LRRC28: variants seen among roughly 807,000 people sequenced by gnomAD.
LRRC28 encodes the protein leucine-rich repeat-containing protein 28.
LRRC28 carries 39 observed loss-of-function variants against 45.7 expected under a neutral mutation model. The ratio of observed to expected loss-of-function variants is 0.85; its 90% confidence interval spans 0.66 to 1.12. The LOEUF is 1.12. Among genes scored for constraint, LRRC28 ranks in the 50% most tolerant of loss-of-function variants. The pLI is 0.00. For missense variants in LRRC28, 435 were observed against 438.5 expected (o/e 0.99, Z 0.07); for synonymous variants, 206 against 178.8 (o/e 1.15, Z -1.22).
At chr15:99,303,561 C>G (rs187116751) in intron 5 of LRRC28, among the ~76,000 whole-genome samples, 1 of 152,240 alleles carries the variant, frequency 6.6e-6, no homozygotes, top group Non-Finnish European at 1.5e-5. Flanking sequence ...GGCCTGGGCA[C>G]GGTGGCTCAT....
At chr15:99,363,578 A>G (rs1033398996) in intron 9 of LRRC28, among the ~76,000 whole-genome samples, 2 of 152,242 alleles carry the variant, frequency 1.3e-5, no homozygotes, top group African/African-American at 4.8e-5. Context: ...GATGCAAGAA[A>G]AAAAAATGTG....
intron 5 of LRRC28, among the ~76,000 whole-genome samples, chr15:99,308,402 C>T (rs1955268223): frequency 6.6e-6 from 1 of 152,096 alleles, no homozygotes; most frequent in Non-Finnish European, 1.5e-5. Flanking sequence ...CATGGTGGCT[C>T]ACACCTATAA....
intron 5 of LRRC28, among the ~76,000 whole-genome samples, chr15:99,327,553 A>G (rs11853547): frequency 0.013 from 2,007 of 152,156 alleles, 40 homozygotes; most frequent in African/African-American, 0.046. Flanking sequence ...GTGATATTTC[A>G]TCTTTTGTTC....
At chr15:99,333,824 C>A in intron 5 of LRRC28, 99 bp from the exon 6 acceptor site, 1 of 1,216,688 alleles carries the variant, frequency 8.2e-7, no homozygotes, top group Non-Finnish European at 1.2e-6. Flanking sequence ...ATAGTCGCAG[C>A]TACTGATTTC....
Position 99,386,935 on chromosome 15 carries a change from A to AG in LRRC28, c.*838dup, listed in dbSNP as rs566508759. 1 of 151,444 alleles carries AG rather than the reference A, an allele frequency of 6.6e-6. No homozygotes were observed. The highest frequency in any genetic ancestry group is 2.1e-4 in the South Asian group (1 of 4,822). The allele number at this position is 151,444 out of a possible 1,614,324, so 9.4% of individuals were successfully genotyped here. On this transcript the variant is annotated 3_prime_UTR_variant, in exon 10 of 10. Transcript: ENST00000301981. Reference sequence around the variant, plus strand: ...ATATAAAGTTTCCATACAATGAGAAAGGGGGAGAAAACACACATTGAAATA... The same window carrying AG: ...ATATAAAGTTTCCATACAATGAGAAAGGGGGGAGAAAACACACATTGAAATA...
At chr15:99,357,836 T>C (rs1957089199) in intron 7 of LRRC28, among the ~76,000 whole-genome samples, 1 of 152,142 alleles carries the variant, frequency 6.6e-6, no homozygotes, top group African/African-American at 2.4e-5. Flanking sequence ...TTTTGATGAA[T>C]TCTGTAGCCA....
chr15:99,276,625 G>T lies in LRRC28; in HGVS notation c.209+9G>T, dbSNP rs758021113. 1.3e-5 allele frequency: 19 copies of T among 1,506,354 alleles called. No homozygotes were observed. The highest frequency in any genetic ancestry group is 1.6e-5 in the Non-Finnish European group (18 of 1,129,736). 93.3% of individuals were successfully genotyped at this position (1,506,354 alleles called of 1,614,324 possible). ...CCAAACCTTGTGGAACTGTGAGTCT[G>T]TTTATTCAAATTTTTTAAAGACAAG... On this transcript the variant is annotated intron_variant, in intron 3 of 9. Transcript: ENST00000301981.
intron 9 of LRRC28, among the ~76,000 whole-genome samples, chr15:99,365,733 C>T (rs1348034958): frequency 6.6e-6 from 1 of 152,158 alleles, no homozygotes; most frequent in East Asian, 1.9e-4. Context: ...CAAAAAGGAA[C>T]ATATTGAATA....
Position 99,370,389 on chromosome 15 carries a change from C to T in LRRC28, c.1031+7124C>T, listed in dbSNP as rs1597450703. The stretch of plus-strand genomic sequence containing the variant: ...GTGTATGTGTACGTATGTACATATA[C>T]ACACATGCACACGTGTGTGTGTGTA... On this transcript the variant is annotated intron_variant, in intron 9 of 9. Coordinates refer to ENST00000301981, the MANE Select transcript of LRRC28 (RefSeq NM_144598.5). Among the ~76,000 whole-genome samples the T allele has an allele frequency of 3.3e-5, 5 of 152,072 alleles. No individual in the cohort carries two copies. The South Asian group carries it at 8.3e-4, about 25-fold the overall frequency.
rs371775704 is a variant in LRRC28 at position 99,261,488 on chromosome 15, G to A, written c.168+5363G>A. Among the ~76,000 whole-genome samples, 6 of 152,158 alleles carry A rather than the reference G, an allele frequency of 3.9e-5. No homozygotes were observed. The South Asian group carries it at 6.2e-4, about 16-fold the overall frequency. ...TGGTGAGGTCTCTCTTCCTGGGTTC[G>A]CAGATGGTGCCTTTTTGCTGTATTC... On this transcript the variant is annotated intron_variant, in intron 2 of 9. Coordinates refer to ENST00000301981, the MANE Select transcript of LRRC28 (RefSeq NM_144598.5).
chr15:99,387,220 C>G lies in LRRC28; in HGVS notation c.*1118C>G, dbSNP rs1439578393. 1 of 147,274 alleles carries G rather than the reference C, an allele frequency of 6.8e-6. No individual in the cohort carries two copies. Among genetic ancestry groups the G allele is most frequent in the Non-Finnish European group, 1.5e-5 (1 of 66,870 alleles). 9.1% of individuals were successfully genotyped at this position (147,274 alleles called of 1,614,324 possible). A position where few individuals can be genotyped will look rare whatever the true frequency, so the allele number is the denominator to read the frequency against. Reference sequence around the variant, plus strand: ...GGACCACAGGCGCCCGCCACCACGCCCGGCTAATTTTTTGTATTTTTAGTA... The same window carrying G: ...GGACCACAGGCGCCCGCCACCACGCGCGGCTAATTTTTTGTATTTTTAGTA... On this transcript the variant is annotated 3_prime_UTR_variant, in exon 10 of 10. Coordinates refer to ENST00000301981, the MANE Select transcript of LRRC28 (RefSeq NM_144598.5).
intron 2 of LRRC28, among the ~76,000 whole-genome samples, chr15:99,273,643 T>C (rs1330014743): frequency 6.6e-6 from 1 of 152,224 alleles, no homozygotes; most frequent in Non-Finnish European, 1.5e-5. Context: ...AATAAAGACA[T>C]AGAGATGCTC....
intron 5 of LRRC28, among the ~76,000 whole-genome samples, chr15:99,312,881 A>C (rs1188956226): frequency 2.0e-5 from 3 of 152,214 alleles, no homozygotes; most frequent in Non-Finnish European, 2.9e-5. Context: ...AGAGACACAA[A>C]AAGACATGAG....
intron 5 of LRRC28, among the ~76,000 whole-genome samples, chr15:99,302,316 C>T (rs778788073): frequency 6.6e-5 from 10 of 152,032 alleles, no homozygotes; most frequent in East Asian, 3.9e-4. Flanking sequence ...CTTGAGCCAC[C>T]GCACCTGGCC....
intron 2 of LRRC28, chr15:99,259,147 G>T (rs1001095169): frequency 2.4e-5 from 31 of 1,318,198 alleles, no homozygotes; most frequent in Non-Finnish European, 3.4e-5. Context: ...AACTTCTTAG[G>T]TTCCAGTCTT....
chr15:99,338,524 G>A (rs1293114521), intron 6 of LRRC28: 1 of 152,178 alleles, frequency 6.6e-6, no homozygotes, highest in Non-Finnish European at 1.5e-5. Flanking sequence ...AGGCTCCTGT[G>A]TTCTAAGAGC....
At chr15:99,273,528 T>C (rs190883592) in intron 2 of LRRC28, among the ~76,000 whole-genome samples, 113 of 151,254 alleles carry the variant, frequency 7.5e-4, no homozygotes, top group Middle Eastern at 3.4e-3. Flanking sequence ...TGAGCCACCG[T>C]GCCCGGCCGT....
intron 6 of LRRC28, among the ~76,000 whole-genome samples, chr15:99,334,402 AGTGTGTGTGT>A (rs57298947): frequency 3.5e-4 from 50 of 144,698 alleles, no homozygotes; most frequent in South Asian, 3.2e-3. Flanking sequence ...GGAATTAAAG[AGTGTGTGTGT>A]GTGTGTGTGT....
chr15:99,269,592 C>T (rs1410261980), intron 2 of LRRC28, among the ~76,000 whole-genome samples: 2 of 152,078 alleles, frequency 1.3e-5, no homozygotes, highest in African/African-American at 4.8e-5. Context: ...TTAGTAGAGA[C>T]GGGTTTCACC....
Sources: allele counts gnomAD v4.1 joint callset (sites outside exome capture counted in the v4.1 genomes callset), GRCh38; gene constraint gnomAD v4.1.1; transcripts MANE v1.5; gene names NCBI Gene and HGNC (gene_info 2026-07-23, HGNC 2026-07-21).